Variants in OCA2 observed in about 807,000 individuals in gnomAD.
OCA2 encodes OCA2 melanosomal transmembrane protein.
In OCA2, 77 loss-of-function variants were observed where a neutral mutation model predicts 100.2. That is an observed-to-expected ratio of 0.77 (90% CI 0.64 to 0.93). OCA2 has a LOEUF of 0.93. Among genes scored for constraint, OCA2 ranks in the 40% least tolerant of loss-of-function variants. The probability of loss-of-function intolerance (pLI) is 0.00; values close to 1 mark genes in which losing one functional copy is unlikely to be tolerated. For synonymous variants in OCA2, 432 were observed against 439.2 expected, an observed-to-expected ratio of 0.98 and a Z score of 0.21; for missense variants, 1,062 against 1,089.1, an observed-to-expected ratio of 0.98 and a Z score of 0.35.
chr15:27,749,779 C>T, the OCA2 span, among the ~76,000 whole-genome samples: 3 of 152,130 alleles, frequency 2.0e-5, no homozygotes, highest in Non-Finnish European at 4.4e-5. Flanking sequence ...TCTAACAAAA[C>T]TTGTCCAGGT....
At position 27,861,656 on chromosome 15, in the gene OCA2, G is replaced by A. The variant is rs140045666; in HGVS notation, c.2244+9498C>T. Among the ~76,000 whole-genome samples the A allele has an allele frequency of 1.4e-3, 206 of 152,238 alleles. 3 individuals are homozygous for A. The East Asian group carries it at 0.03, about 22-fold the overall frequency. ...GCCAGGTTCCAAGGGGGTCTCTCTC[G>A]AGGGCGGGCACTAGTCCTTAGTGAT... On this transcript the variant is annotated intron_variant, in intron 21 of 23. Coordinates refer to ENST00000354638, the MANE Select transcript of OCA2 (RefSeq NM_000275.3).
intron 19 of OCA2, among the ~76,000 whole-genome samples, chr15:27,893,128 A>C (rs999956117): frequency 7.2e-5 from 11 of 152,240 alleles, no homozygotes; most frequent in African/African-American, 2.7e-4. Context: ...AGGGACCCCA[A>C]ATGGAGGGAC....
intron 19 of OCA2, among the ~76,000 whole-genome samples, chr15:27,906,169 A>C (rs573755320): frequency 3.8e-4 from 58 of 152,342 alleles, no homozygotes; most frequent in African/African-American, 1.3e-3. Flanking sequence ...AATAACTGGA[A>C]GAAAGGACTT....
chr15:27,973,384 C>T (rs2040867912), intron 14 of OCA2, among the ~76,000 whole-genome samples: 1 of 152,144 alleles, frequency 6.6e-6, no homozygotes. Context: ...GATCCAGTTT[C>T]ATTCTTCTAC....
At chr15:27,862,012 C>T (rs2036150249) in intron 21 of OCA2, among the ~76,000 whole-genome samples, 1 of 152,232 alleles carries the variant, frequency 6.6e-6, no homozygotes, top group Admixed American at 6.5e-5. Context: ...GTGGAAAGTG[C>T]CCACATGGTT....
chr15:28,070,426 T>G, intron 2 of OCA2, among the ~76,000 whole-genome samples: 1 of 103,838 alleles, frequency 9.6e-6, no homozygotes, highest in East Asian at 3.6e-4. Context: ...AGCCACCCCG[T>G]CCGGGAGGGA....
chr15:27,725,648 G>A, the OCA2 span, among the ~76,000 whole-genome samples: 1 of 152,124 alleles, frequency 6.6e-6, no homozygotes. Flanking sequence ...AGATCAGGGA[G>A]GTTCTGAAGC....
intron 21 of OCA2, among the ~76,000 whole-genome samples, chr15:27,852,509 A>G (rs1228373995): frequency 6.6e-6 from 1 of 152,232 alleles, no homozygotes; most frequent in Non-Finnish European, 1.5e-5. Context: ...GGACATAGGC[A>G]TGGGCAAGGA....
intron 2 of OCA2, among the ~76,000 whole-genome samples, chr15:28,058,722 A>C (rs1000974669): frequency 2.6e-5 from 4 of 152,220 alleles, no homozygotes; most frequent in Non-Finnish European, 5.9e-5. Context: ...TGACCAAAAC[A>C]CTTAACAGAA....
At chr15:28,020,899 G>T (rs1370498185) in intron 6 of OCA2, among the ~76,000 whole-genome samples, 2 of 152,062 alleles carry the variant, frequency 1.3e-5, no homozygotes, top group African/African-American at 2.4e-5. Context: ...CTGGAAGGCT[G>T]CTGGTGCCCT....
At chr15:27,906,460 A>G (rs1387412353) in intron 19 of OCA2, among the ~76,000 whole-genome samples, 1 of 152,200 alleles carries the variant, frequency 6.6e-6, no homozygotes, top group East Asian at 1.9e-4. Flanking sequence ...GTAAATAGAT[A>G]AATTAAAAGG....
chr15:27,870,022 G>T (rs886620134), intron 21 of OCA2, among the ~76,000 whole-genome samples: 1 of 152,220 alleles, frequency 6.6e-6, no homozygotes, highest in African/African-American at 2.4e-5. Context: ...CAAGCAACTA[G>T]AGGGCCAACC....
intron 23 of OCA2, among the ~76,000 whole-genome samples, chr15:27,828,909 T>C (rs948149499): frequency 4.6e-5 from 7 of 152,164 alleles, no homozygotes; most frequent in Non-Finnish European, 5.9e-5. Context: ...TCAAGCGTGC[T>C]AGAAGAGCCG....
chr15:27,910,949 C>T (rs1265920616), intron 19 of OCA2, among the ~76,000 whole-genome samples: 1 of 150,302 alleles, frequency 6.7e-6, no homozygotes, highest in Non-Finnish European at 1.5e-5. Context: ...GAGTGAGACT[C>T]CATCTAAAAA....
chr15:27,790,844 A>C (rs114744999), intron 23 of OCA2, among the ~76,000 whole-genome samples: 3,453 of 148,316 alleles, frequency 0.023, 142 homozygotes, highest in African/African-American at 0.083. Context: ...GCTGAAGTAT[A>C]GTGGCACAAT....
intron 22 of OCA2, among the ~76,000 whole-genome samples, chr15:27,846,790 T>C (rs2035554126): frequency 6.6e-6 from 1 of 151,952 alleles, no homozygotes; most frequent in African/African-American, 2.4e-5. Context: ...GAAAGGATGT[T>C]GAAGGATCTG....
chr15:27,777,528 A>C (rs1453180144), intron 23 of OCA2, among the ~76,000 whole-genome samples: 1 of 152,234 alleles, frequency 6.6e-6, no homozygotes, highest in Non-Finnish European at 1.5e-5. Flanking sequence ...TAAATGTTGA[A>C]GTTTCCAGCC....
intron 3 of OCA2, among the ~76,000 whole-genome samples, chr15:28,030,296 T>C (rs1362617686): frequency 6.6e-6 from 1 of 151,774 alleles, no homozygotes; most frequent in Non-Finnish European, 1.5e-5. Context: ...AACATAACCA[T>C]AGATAGCACA....
intron 23 of OCA2, among the ~76,000 whole-genome samples, chr15:27,805,170 A>G (rs1044768900): frequency 5.3e-5 from 8 of 152,210 alleles, no homozygotes; most frequent in African/African-American, 1.9e-4. Context: ...CACCGCGCAG[A>G]GCGCCCAGCG....
Sources: gnomAD v4.1 joint callset for allele counts (sites outside exome capture counted in the v4.1 genomes callset) on GRCh38, gnomAD v4.1.1 for gene constraint, MANE v1.5 for transcripts, NCBI Gene and HGNC (gene_info 2026-07-23, HGNC 2026-07-21) for gene names.